The following TSPAN11 variants were observed in gnomAD, a reference collection of about 807,000 sequenced individuals.
The protein encoded by TSPAN11 is tetraspanin-11.
Under a neutral mutation model 32.9 loss-of-function variants are expected in TSPAN11, and 29 were observed. The ratio of observed to expected loss-of-function variants is 0.88; its 90% CI spans 0.66 to 1.20. The LOEUF (loss-of-function observed/expected upper bound fraction) is 1.20, where lower values mean the gene tolerates loss of function less well. Among genes scored for constraint, TSPAN11 ranks in the 50% most tolerant of loss-of-function variants. The probability of loss-of-function intolerance (pLI) is 0.00; values close to 1 mark genes in which losing one functional copy is unlikely to be tolerated. For synonymous variants in TSPAN11, 140 were observed against 141.3 expected (o/e 0.99, Z 0.07); for missense variants, 283 against 329.1 (o/e 0.86, Z 1.08).
intron 3 of TSPAN11, among the ~76,000 whole-genome samples, chr12:30,977,157 CT>C: frequency 6.6e-6 from 1 of 152,344 alleles, no homozygotes; most frequent in East Asian, 1.9e-4. Flanking sequence ...GAAATGGCCC[CT>C]CTCCCGTATT....
chr12:31,009,970 T>TA, the TSPAN11 span, among the ~76,000 whole-genome samples: 10 of 152,190 alleles, frequency 6.6e-5, no homozygotes, highest in African/African-American at 1.9e-4. Flanking sequence ...AGACAACTGT[T>TA]ATTAGTTTAT....
intron 1 of TSPAN11, among the ~76,000 whole-genome samples, chr12:30,949,708 C>T (rs1938343334): frequency 6.6e-6 from 1 of 152,132 alleles, no homozygotes; most frequent in African/African-American, 2.4e-5. Flanking sequence ...CTCCTAGCTG[C>T]TTCCCTCCTG....
chr12:30,982,436 A>T (rs1305741678), intron 5 of TSPAN11, 96 bp from the exon 6 acceptor site: 17 of 1,482,828 alleles, frequency 1.1e-5, no homozygotes. Context: ...GGGTAGACAA[A>T]TAGGGGTTGG....
At chr12:30,962,610 TATG>T (rs758942392) in intron 2 of TSPAN11, among the ~76,000 whole-genome samples, 158 of 152,312 alleles carry the variant, frequency 1.0e-3, no homozygotes, top group Middle Eastern at 0.01. Context: ...GGGTAGGTTA[TATG>T]GAGTCTTCCT....
At chr12:30,955,831 T>G (rs1565793320) in intron 2 of TSPAN11, among the ~76,000 whole-genome samples, 2 of 152,220 alleles carry the variant, frequency 1.3e-5, no homozygotes, top group East Asian at 3.8e-4. Context: ...ACACCAGTCA[T>G]ATTAGATTAG....
chr12:30,992,017 A>G lies in TSPAN11; in HGVS notation c.*102A>G. 1 of 1,312,794 alleles carries G rather than the reference A, an allele frequency of 7.6e-7. No homozygotes were observed. Among genetic ancestry groups the G allele is most frequent in the Non-Finnish European group, 1.1e-6 (1 of 912,198 alleles). 81.3% of individuals were successfully genotyped at this position (1,312,794 alleles called of 1,614,324 possible). On this transcript the variant is annotated 3_prime_UTR_variant, in exon 8 of 8. Transcript: ENST00000546076. ...AGCACCAGCTCCACTAGGGCCATAG[A>G]TGCCCCCTCCTTTGTGCCTAGCTCC...
intron 1 of TSPAN11, among the ~76,000 whole-genome samples, chr12:30,941,182 CA>C (rs1176100680): frequency 6.6e-6 from 1 of 152,194 alleles, no homozygotes; most frequent in Non-Finnish European, 1.5e-5. Context: ...ACAGTATTTG[CA>C]GGATGCAAAA....
chr12:30,960,735 G>C (rs1369418164), intron 2 of TSPAN11, among the ~76,000 whole-genome samples: 1 of 151,954 alleles, frequency 6.6e-6, no homozygotes, highest in Admixed American at 6.5e-5. Flanking sequence ...CACAGGCTAT[G>C]GCTTTGAAAA....
chr12:30,941,338 A>G (rs1286785066), intron 1 of TSPAN11, among the ~76,000 whole-genome samples: 1 of 152,228 alleles, frequency 6.6e-6, no homozygotes, highest in Non-Finnish European at 1.5e-5. Flanking sequence ...TCTTAGTACC[A>G]TGCCTGATGC....
chr12:31,000,719 G>A (rs1939469880), downstream of TSPAN11, among the ~76,000 whole-genome samples: 1 of 152,164 alleles, frequency 6.6e-6, no homozygotes, highest in Non-Finnish European at 1.5e-5. Context: ...TTGTCTGGAG[G>A]AACCTCGATA....
At chr12:31,007,284 T>C in the TSPAN11 span, among the ~76,000 whole-genome samples, 1 of 151,936 alleles carries the variant, frequency 6.6e-6, no homozygotes, top group Non-Finnish European at 1.5e-5. Flanking sequence ...TGGGGACAGG[T>C]GGGGGTTCCT....
At chr12:30,940,072 C>T (rs1290849430) in intron 1 of TSPAN11, among the ~76,000 whole-genome samples, 1 of 152,174 alleles carries the variant, frequency 6.6e-6, no homozygotes, top group Non-Finnish European at 1.5e-5. Context: ...TCCCAAAGGG[C>T]CCTGTTGGGA....
chr12:30,946,582 A>T (rs183942419), intron 1 of TSPAN11, among the ~76,000 whole-genome samples: 18 of 152,346 alleles, frequency 1.2e-4, no homozygotes, highest in African/African-American at 4.1e-4. Context: ...GACCCAGATC[A>T]CTTGCTGTGG....
intron 7 of TSPAN11, chr12:30,988,524 G>C (rs1014516433): frequency 6.6e-6 from 1 of 152,176 alleles, no homozygotes; most frequent in African/African-American, 2.4e-5. Flanking sequence ...GGGAGGTGGA[G>C]GTTACAGTGA....
chr12:30,950,574 G>A (rs1451086156), intron 1 of TSPAN11, among the ~76,000 whole-genome samples: 2 of 152,146 alleles, frequency 1.3e-5, no homozygotes, highest in African/African-American at 4.8e-5. Context: ...GGTGATGTTA[G>A]CTGTGAGCAA....
At chr12:30,987,388 C>A (rs1939220732) in intron 7 of TSPAN11, among the ~76,000 whole-genome samples, 1 of 152,042 alleles carries the variant, frequency 6.6e-6, no homozygotes, top group South Asian at 2.1e-4. Context: ...TCAGGTGGAT[C>A]ATGAACTTAA....
chr12:30,966,002 TTA>T (rs34867504), intron 3 of TSPAN11, among the ~76,000 whole-genome samples: 40,985 of 148,792 alleles, frequency 0.28, 6,980 homozygotes, highest in Non-Finnish European at 0.38. Context: ...TCTCAAAACA[TTA>T]TGAGATTTTT....
chr12:30,990,624 G>A (rs1939294319), intron 7 of TSPAN11, among the ~76,000 whole-genome samples: 3 of 152,110 alleles, frequency 2.0e-5, no homozygotes, highest in Admixed American at 2.0e-4. Flanking sequence ...ATGGAGAGGA[G>A]GAAGGAGGGG....
intron 5 of TSPAN11, among the ~76,000 whole-genome samples, chr12:30,981,603 G>T (rs930932595): frequency 6.6e-6 from 1 of 152,170 alleles, no homozygotes; most frequent in African/African-American, 2.4e-5. Context: ...GGGGGCCCCT[G>T]TTCATCCCTG....
Sources: gnomAD v4.1 joint callset for allele counts (sites outside exome capture counted in the v4.1 genomes callset) on GRCh38, gnomAD v4.1.1 for gene constraint, MANE v1.5 for transcripts, NCBI Gene and HGNC (gene_info 2026-07-23, HGNC 2026-07-21) for gene names.